OPTC: variants seen among roughly 807,000 people sequenced by gnomAD.
OPTC encodes oculoglycan.
In OPTC, 22 loss-of-function variants were observed where a neutral mutation model predicts 25.4. The observed-to-expected ratio is 0.87, with a 90% CI of 0.62 to 1.24. OPTC has a LOEUF of 1.24. Among genes scored for constraint, OPTC ranks in the 50% most tolerant of loss-of-function variants. The pLI, the probability that OPTC is intolerant of heterozygous loss-of-function variation, is 0.00. For synonymous variants in OPTC, 169 were observed against 179.3 expected (o/e 0.94, Z 0.46); for missense variants, 417 against 425.2 (o/e 0.98, Z 0.17).
chr1:203,506,609 A>G (rs1661493739), intron 7 of OPTC, among the ~76,000 whole-genome samples: 1 of 152,178 alleles, frequency 6.6e-6, no homozygotes, highest in African/African-American at 2.4e-5. Flanking sequence ...GTGGGACAGG[A>G]GATCTAACAA....
At position 203,496,209 on chromosome 1, in the gene OPTC, C is replaced by T; in HGVS notation, c.204C>T (p.Leu68=). The T allele has an allele frequency of 1.2e-6, 2 of 1,614,010 alleles. No homozygotes were observed. The highest frequency in any genetic ancestry group is 1.7e-6 in the Non-Finnish European group (2 of 1,179,900). ...EVIDLSNYEE[L]TDYGDQLPEV... is the part of the protein sequence containing the mutation. ...TTGACCTGAGCAACTATGAGGAGCT[C>T]ACAGATTATGGGGACCAACTCCCCG... Residue 68 remains leucine (L), a synonymous_variant, in exon 2 of 8, where the codon CTC becomes CTT. Coordinates refer to ENST00000367222, the MANE Select transcript of OPTC (RefSeq NM_014359.4).
At chr1:203,499,162 T>G (rs559381903) in intron 4 of OPTC, among the ~76,000 whole-genome samples, 2 of 152,298 alleles carry the variant, frequency 1.3e-5, no homozygotes, top group Admixed American at 6.5e-5. Context: ...CAGGACAGTC[T>G]TAAATCTACT....
rs373539037 is a variant in OPTC at position 203,496,225 on chromosome 1, C to T, written c.220C>T (p.Gln74Ter). The T allele has an allele frequency of 5.0e-6, 8 of 1,611,876 alleles. No individual in the cohort carries two copies. The African/African-American group carries it at 9.3e-5, about 19-fold the overall frequency. ...NYEELTDYGD[Q>*]LPEVKVTSLA... ...TGAGGAGCTCACAGATTATGGGGAC[C>T]AACTCCCCGAGGTGAGGGACACAGC... Residue 74 changes from glutamine to a stop codon, truncating the protein, a stop_gained, in exon 2 of 8, where the codon CAA (glutamine) becomes TAA (stop). Coordinates refer to ENST00000367222, the MANE Select transcript of OPTC (RefSeq NM_014359.4). LOFTEE classifies it high-confidence loss of function.
chr1:203,508,282 G>A (rs555904545), intron 7 of OPTC, among the ~76,000 whole-genome samples: 54 of 152,260 alleles, frequency 3.5e-4, no homozygotes, highest in African/African-American at 1.3e-3. Flanking sequence ...GACTCGGGAG[G>A]GCATCACCCA....
intron 7 of OPTC, among the ~76,000 whole-genome samples, chr1:203,506,404 G>C (rs533203980): frequency 4.2e-4 from 64 of 151,998 alleles, no homozygotes; most frequent in Middle Eastern, 6.8e-3. Context: ...GCCCGCCTCG[G>C]CCTCCCGAAG....
intron 1 of OPTC, 125 bp from the exon 2 acceptor site, chr1:203,495,840 T>C: frequency 3.0e-6 from 2 of 660,704 alleles, no homozygotes; most frequent in South Asian, 3.3e-5. Flanking sequence ...AATTTGTGCA[T>C]GTGATGAGAG....
chr1:203,507,200 G>C (rs1661506501), intron 7 of OPTC, among the ~76,000 whole-genome samples: 1 of 152,192 alleles, frequency 6.6e-6, no homozygotes, highest in African/African-American at 2.4e-5. Flanking sequence ...ACCTAAAGGG[G>C]TTAGGGTTGG....
chr1:203,506,169 G>A (rs945103855), intron 7 of OPTC, among the ~76,000 whole-genome samples: 40 of 62,356 alleles, frequency 6.4e-4, no homozygotes, highest in Non-Finnish European at 1.1e-3. Context: ...TTTTTTTTTT[G>A]AGATGGAGTT....
chr1:203,500,020 ACCCAC>A, intron 5 of OPTC, among the ~76,000 whole-genome samples, 169 bp downstream of exon 5: 1 of 28,398 alleles, frequency 3.5e-5, no homozygotes, highest in Non-Finnish European at 7.0e-5. Flanking sequence ...CACACCTACC[ACCCAC>A]CTACCACCGC....
intron 5 of OPTC, 61 bp from the exon 6 acceptor site, chr1:203,502,849 GCCCT>G: frequency 8.0e-7 from 1 of 1,242,856 alleles, no homozygotes; most frequent in Non-Finnish European, 1.2e-6. Context: ...TGGTCTCATA[GCCCT>G]CCTCACTGCC....
chr1:203,497,155 T>C, intron 3 of OPTC, 40 bp downstream of exon 3: 1 of 1,612,004 alleles, frequency 6.2e-7, no homozygotes, highest in African/African-American at 1.3e-5. Flanking sequence ...CCCTAGGTCA[T>C]AGGCCAAGCA....
chr1:203,499,928 T>TCCACCACTCACCTCCA (rs1661349264), intron 5 of OPTC, 77 bp downstream of exon 5: 8 of 1,122,282 alleles, frequency 7.1e-6, no homozygotes, highest in African/African-American at 2.1e-5. Flanking sequence ...ACCACCTACC[T>TCCACCACTCACCTCCA]CCACCACTCA....
intron 7 of OPTC, among the ~76,000 whole-genome samples, chr1:203,508,333 G>A (rs867049057): frequency 3.9e-5 from 6 of 152,162 alleles, no homozygotes; most frequent in African/African-American, 1.4e-4. Flanking sequence ...TTGAGTCCAG[G>A]GCCTGCCCCC....
chr1:203,507,067 C>T (rs1350505318), intron 7 of OPTC, among the ~76,000 whole-genome samples: 2 of 152,206 alleles, frequency 1.3e-5, no homozygotes, highest in African/African-American at 4.8e-5. Context: ...AACAGAGCAT[C>T]TGTCCCTCTG....
chr1:203,495,868 T>TG, intron 1 of OPTC, 97 bp from the exon 2 acceptor site: 1 of 694,962 alleles, frequency 1.4e-6, no homozygotes. Flanking sequence ...TCTGCAAGTG[T>TG]GGGGGTGGGA....
chr1:203,500,920 G>A (rs780248831), intron 5 of OPTC, among the ~76,000 whole-genome samples: 1 of 152,136 alleles, frequency 6.6e-6, no homozygotes, highest in Non-Finnish European at 1.5e-5. Context: ...CAATTCACCT[G>A]TTTGCTCACC....
In OPTC at chr1:203,496,106, T is replaced by C; in HGVS notation, c.101T>C (p.Met34Thr). 1 of 1,614,112 alleles carries C rather than the reference T, an allele frequency of 6.2e-7. No homozygotes were observed. Among genetic ancestry groups the C allele is most frequent in the Non-Finnish European group, 8.5e-7 (1 of 1,179,988 alleles). ...RKERKRREEQMPREGDSFEVL... is the reference protein window; with the variant it reads ...RKERKRREEQTPREGDSFEVL... ...GAGAGGAAGAGGAGAGAGGAGCAGATGCCCAGGGAAGGCGATTCCTTTGAA... is the reference window on the plus strand; with the variant it reads ...GAGAGGAAGAGGAGAGAGGAGCAGACGCCCAGGGAAGGCGATTCCTTTGAA... The change falls in exon 2 of 8, where the codon ATG (methionine) becomes ACG (threonine). Residue 34 changes from methionine (M) to threonine (T), a missense_variant. Transcript: ENST00000367222.
chr1:203,497,215 G>A, intron 3 of OPTC, 100 bp downstream of exon 3: 1 of 1,292,596 alleles, frequency 7.7e-7, no homozygotes, highest in Non-Finnish European at 1.1e-6. Context: ...GTTGGGGTTG[G>A]GGCATGGAGG....
At chr1:203,505,198 C>T (rs572694898) in intron 7 of OPTC, among the ~76,000 whole-genome samples, 66 of 152,346 alleles carry the variant, frequency 4.3e-4, no homozygotes, top group African/African-American at 1.4e-3. Flanking sequence ...GCAACAGAAA[C>T]ATATTCCTTT....
Sources: gnomAD v4.1 joint callset for allele counts (sites outside exome capture counted in the v4.1 genomes callset) on GRCh38, gnomAD v4.1.1 for gene constraint, MANE v1.5 for transcripts, NCBI Gene and HGNC (gene_info 2026-07-23, HGNC 2026-07-21) for gene names.